Variants in CSMD1 observed in about 807,000 individuals in gnomAD.
CSMD1 encodes the protein CUB and sushi domain-containing protein 1.
A neutral mutation model predicts 417.5 loss-of-function variants in CSMD1; 213 were observed. The observed-to-expected ratio is 0.51, with a 90% CI of 0.46 to 0.57. The LOEUF is 0.57. Among genes scored for constraint, CSMD1 ranks in the 20% least tolerant of loss-of-function variants. The pLI is 0.00. For missense variants in CSMD1, 6,923 were observed against 4,529.7 expected, an observed-to-expected ratio of 1.53 and a Z score of -15.17; for synonymous variants, 2,862 against 1,736.8, an observed-to-expected ratio of 1.65 and a Z score of -16.11.
At chr8:4,345,498 G>C (rs1359584958) in intron 3 of CSMD1, among the ~76,000 whole-genome samples, 2 of 151,868 alleles carry the variant, frequency 1.3e-5, no homozygotes, top group East Asian at 1.9e-4. Context: ...TATAGCAAAG[G>C]AAACAGTGAC....
chr8:4,235,237 A>C (rs906671265), intron 3 of CSMD1, among the ~76,000 whole-genome samples: 4 of 152,338 alleles, frequency 2.6e-5, no homozygotes, highest in African/African-American at 7.2e-5. Context: ...GAAAACGAAC[A>C]ACATCATTTT....
At chr8:3,457,224 C>T (rs55747738) in intron 12 of CSMD1, among the ~76,000 whole-genome samples, 15,898 of 151,750 alleles carry the variant, frequency 0.1, 1,495 homozygotes, top group East Asian at 0.34. Context: ...CTGCCCTCCT[C>T]ACTGCACCTC....
chr8:3,987,848 A>C (rs1814453350), intron 5 of CSMD1, among the ~76,000 whole-genome samples: 1 of 152,186 alleles, frequency 6.6e-6, no homozygotes, highest in Non-Finnish European at 1.5e-5. Flanking sequence ...CAGCCTGCCA[A>C]AAAGAAATGG....
chr8:4,311,863 G>T (rs1044249099), intron 3 of CSMD1, among the ~76,000 whole-genome samples: 1 of 152,074 alleles, frequency 6.6e-6, no homozygotes, highest in Non-Finnish European at 1.5e-5. Context: ...GTTAGGTACT[G>T]GGTATAATAC....
chr8:3,168,506 G>C (rs1287099723), intron 37 of CSMD1, among the ~76,000 whole-genome samples: 1 of 152,094 alleles, frequency 6.6e-6, no homozygotes. Context: ...CACCCAAGGA[G>C]ACATCATGTG....
chr8:3,832,078 A>G (rs1802410276), intron 5 of CSMD1, among the ~76,000 whole-genome samples: 2 of 152,234 alleles, frequency 1.3e-5, no homozygotes, highest in African/African-American at 2.4e-5. Context: ...AAGACTGGGT[A>G]TCTCATGTGT....
intron 1 of CSMD1, among the ~76,000 whole-genome samples, chr8:4,678,863 G>A (rs1488274480): frequency 6.6e-6 from 1 of 152,184 alleles, no homozygotes; most frequent in East Asian, 1.9e-4. Flanking sequence ...CCCAGTAACT[G>A]AAATTCTGTC....
chr8:4,779,281 G>C (rs920715744), intron 1 of CSMD1, among the ~76,000 whole-genome samples: 4 of 151,988 alleles, frequency 2.6e-5, no homozygotes, highest in Non-Finnish European at 4.4e-5. Context: ...TCCATGTATA[G>C]GGGTTTTACC....
intron 4 of CSMD1, among the ~76,000 whole-genome samples, chr8:4,009,801 T>C (rs73503213): frequency 0.013 from 1,968 of 152,066 alleles, 48 homozygotes; most frequent in African/African-American, 0.045. Context: ...TCCTGCTCCA[T>C]CCCCCTCCCT....
At chr8:4,604,477 C>T (rs531396433) in intron 2 of CSMD1, among the ~76,000 whole-genome samples, 1 of 151,588 alleles carries the variant, frequency 6.6e-6, no homozygotes, top group African/African-American at 2.4e-5. Flanking sequence ...ATTTGTCCCG[C>T]TTCATTTCTT....
At chr8:3,447,256 AC>A (rs747549052) in intron 12 of CSMD1, among the ~76,000 whole-genome samples, 1 of 152,182 alleles carries the variant, frequency 6.6e-6, no homozygotes, top group Non-Finnish European at 1.5e-5. Context: ...ATAGCAGCAC[AC>A]TTTTTTATGA....
chr8:4,068,828 T>C lies in CSMD1; in HGVS notation c.416-36729A>G, dbSNP rs561094535. 3.9e-5 allele frequency among the ~76,000 whole-genome samples: 6 copies of C among 152,304 alleles called. No homozygotes were observed. The East Asian group carries it at 1.2e-3, about 29-fold the overall frequency. On this transcript the variant is annotated intron_variant, in intron 3 of 69. Transcript: ENST00000635120. The stretch of plus-strand genomic sequence containing the variant: ...ACATGAATTCATGGTATCAGTGACA[T>C]TCATGTACTGTATCAAAATGCAGCT...
At chr8:3,224,684 C>G (rs1798398093) in intron 27 of CSMD1, among the ~76,000 whole-genome samples, 1 of 152,126 alleles carries the variant, frequency 6.6e-6, no homozygotes, top group African/African-American at 2.4e-5. Context: ...TTGAAGTCAT[C>G]AATTTTGAAT....
At chr8:4,532,952 G>A (rs1452742841) in intron 2 of CSMD1, among the ~76,000 whole-genome samples, 1 of 151,728 alleles carries the variant, frequency 6.6e-6, no homozygotes, top group Non-Finnish European at 1.5e-5. Flanking sequence ...CACTCCGGAA[G>A]AGAAATCCTG....
chr8:3,347,955 A>C, intron 22 of CSMD1, 37 bp downstream of exon 22: 1 of 1,472,644 alleles, frequency 6.8e-7, no homozygotes, highest in Non-Finnish European at 9.1e-7. Context: ...TTGAGAAGAA[A>C]ACTTGGAGTC....
At chr8:4,695,241 C>G (rs2116785784) in intron 1 of CSMD1, among the ~76,000 whole-genome samples, 1 of 152,210 alleles carries the variant, frequency 6.6e-6, no homozygotes, top group East Asian at 1.9e-4. Flanking sequence ...TGAAGGTTTC[C>G]CTGAGCACTG....
At chr8:4,753,982 G>C (rs751345265) in intron 1 of CSMD1, among the ~76,000 whole-genome samples, 3 of 152,196 alleles carry the variant, frequency 2.0e-5, no homozygotes, top group Non-Finnish European at 4.4e-5. Flanking sequence ...TTCAAATACA[G>C]GAAGAGTAAA....
intron 37 of CSMD1, among the ~76,000 whole-genome samples, chr8:3,176,003 T>A (rs956999062): frequency 4.6e-5 from 7 of 152,078 alleles, no homozygotes; most frequent in Admixed American, 2.0e-4. Context: ...AACATACCAA[T>A]TAGGTTTAGG....
chr8:4,204,078 G>A (rs1239641156), intron 3 of CSMD1, among the ~76,000 whole-genome samples: 11 of 152,120 alleles, frequency 7.2e-5, no homozygotes, highest in Non-Finnish European at 2.9e-5. Flanking sequence ...TCCAGCCTGG[G>A]TGACAGAACA....
Sources: gnomAD v4.1 joint callset for allele counts (sites outside exome capture counted in the v4.1 genomes callset) on GRCh38, gnomAD v4.1.1 for gene constraint, MANE v1.5 for transcripts, NCBI Gene and HGNC (gene_info 2026-07-23, HGNC 2026-07-21) for gene names.